C1GALT1: variants seen among roughly 807,000 people sequenced by gnomAD.
C1GALT1 encodes the protein core 1 synthase, glycoprotein-N-acetylgalactosamine 3-beta-galactosyltransferase 1.
Under a neutral mutation model 31.0 loss-of-function variants are expected in C1GALT1, and 11 were observed. That is an observed-to-expected ratio of 0.36 (90% CI 0.22 to 0.59). The LOEUF is 0.59. Ranked by LOEUF, C1GALT1 falls within the 20% of genes least tolerant of loss-of-function variation. The probability of loss-of-function intolerance (pLI) is 0.79; values close to 1 mark genes in which losing one functional copy is unlikely to be tolerated. For missense variants in C1GALT1, 424 were observed against 425.2 expected, an observed-to-expected ratio of 1.00 and a Z score of 0.03; for synonymous variants, 175 against 143.6, an observed-to-expected ratio of 1.22 and a Z score of -1.56.
chr7:7,170,490 A>G (rs62453511), intron 2 of C1GALT1, among the ~76,000 whole-genome samples: 20,967 of 152,246 alleles, frequency 0.14, 1,810 homozygotes, highest in Middle Eastern at 0.26. Flanking sequence ...ATTATTAAAC[A>G]TCTTATGTTA....
At chr7:7,180,623 A>G (rs1386649112), upstream of C1GALT1, among the ~76,000 whole-genome samples, 1 of 152,262 alleles carries the variant, frequency 6.6e-6, no homozygotes, top group Admixed American at 6.5e-5. Flanking sequence ...CACAAAATTT[A>G]AGAAATGGTT....
upstream of C1GALT1, chr7:7,178,211 C>T (rs780329427): frequency 1.8e-5 from 4 of 226,718 alleles, no homozygotes; most frequent in East Asian, 1.1e-4. Context: ...AGAATTGAAC[C>T]GCCCCCTTGG....
At chr7:7,158,086 T>C (rs1780293205) in intron 2 of C1GALT1, among the ~76,000 whole-genome samples, 1 of 152,222 alleles carries the variant, frequency 6.6e-6, no homozygotes, top group African/African-American at 2.4e-5. Context: ...TACCCTCACA[T>C]GACCACAGCT....
intron 1 of C1GALT1, among the ~76,000 whole-genome samples, chr7:7,188,465 A>T (rs1182173901): frequency 2.6e-5 from 4 of 152,214 alleles, no homozygotes; most frequent in African/African-American, 9.6e-5. Context: ...TGGAGAAATT[A>T]GTGGACTTTA....
upstream of C1GALT1, among the ~76,000 whole-genome samples, chr7:7,179,044 A>T (rs1477486173): frequency 1.3e-5 from 2 of 152,206 alleles, no homozygotes; most frequent in Non-Finnish European, 2.9e-5. Context: ...AAGCTCACTC[A>T]CATGGCTCTT....
At chr7:7,234,692 C>G in intron 2 of C1GALT1, 153 bp downstream of exon 2, 1 of 593,118 alleles carries the variant, frequency 1.7e-6, no homozygotes, top group Non-Finnish European at 2.9e-6. Flanking sequence ...ATTGCTAAAA[C>G]TCAGATTTAT....
chr7:7,231,146 A>G (rs1288784340), intron 1 of C1GALT1, among the ~76,000 whole-genome samples: 3 of 152,150 alleles, frequency 2.0e-5, no homozygotes. Context: ...CTAGGTTGGT[A>G]GTTCTGTTCT....
intron 1 of C1GALT1, among the ~76,000 whole-genome samples, chr7:7,188,499 T>G (rs565622879): frequency 1.7e-4 from 26 of 152,286 alleles, no homozygotes; most frequent in African/African-American, 6.3e-4. Context: ...TATTTCACTC[T>G]GTAGATAAAA....
chr7:7,235,953 G>A (rs1276583481), intron 2 of C1GALT1, among the ~76,000 whole-genome samples: 2 of 152,142 alleles, frequency 1.3e-5, no homozygotes, highest in Admixed American at 1.3e-4. Flanking sequence ...CTATACCCAT[G>A]TACCTGCACT....
At chr7:7,233,495 G>C (rs551227230) in intron 1 of C1GALT1, among the ~76,000 whole-genome samples, 10 of 152,228 alleles carry the variant, frequency 6.6e-5, no homozygotes, top group Admixed American at 3.9e-4. Context: ...CTGGTCTCAA[G>C]CTCCTGACTT....
chr7:7,222,943 A>C (rs1015808244), intron 1 of C1GALT1, among the ~76,000 whole-genome samples: 4 of 149,290 alleles, frequency 2.7e-5, no homozygotes, highest in Non-Finnish European at 5.9e-5. Context: ...TTTGTAGTTA[A>C]GCTTTTTTTA....
intron 1 of C1GALT1, among the ~76,000 whole-genome samples, chr7:7,201,269 A>G (rs144007465): frequency 0.024 from 3,700 of 152,142 alleles, 146 homozygotes; most frequent in African/African-American, 0.083. Flanking sequence ...CTGGAGGTCC[A>G]CTCCAGACCG....
chr7:7,205,782 T>G (rs1781713635), intron 1 of C1GALT1, among the ~76,000 whole-genome samples: 1 of 152,192 alleles, frequency 6.6e-6, no homozygotes, highest in African/African-American at 2.4e-5. Context: ...GCCTTCACTT[T>G]CACCCTGTTT....
intron 2 of C1GALT1, among the ~76,000 whole-genome samples, chr7:7,157,843 A>C (rs1780290212): frequency 6.6e-6 from 1 of 152,134 alleles, no homozygotes; most frequent in African/African-American, 2.4e-5. Flanking sequence ...AATCAATGAG[A>C]TCTCTTTTCC....
upstream of C1GALT1, among the ~76,000 whole-genome samples, chr7:7,182,365 G>C (rs756687645): frequency 1.5e-4 from 23 of 152,330 alleles, no homozygotes; most frequent in African/African-American, 5.3e-4. Context: ...CAAGCCGCAA[G>C]GGGGATACAA....
At chr7:7,162,573 C>T (rs946152610) in intron 2 of C1GALT1, among the ~76,000 whole-genome samples, 5 of 151,944 alleles carry the variant, frequency 3.3e-5, no homozygotes, top group African/African-American at 7.3e-5. Flanking sequence ...CCACAATAAA[C>T]ATACATGTGC....
At chr7:7,185,375 A>G (rs1298227422) in intron 1 of C1GALT1, among the ~76,000 whole-genome samples, 1 of 152,140 alleles carries the variant, frequency 6.6e-6, no homozygotes, top group Admixed American at 6.5e-5. Context: ...TGGTCATTGT[A>G]TTTTCTAGGG....
rs1783788899 is a variant in C1GALT1, at chr7:7,245,097, G to C, written c.*1370G>C. 6.6e-6 allele frequency: 1 copy of C among 152,228 alleles called. No homozygotes were observed. The highest frequency in any genetic ancestry group is 1.5e-5 in the Non-Finnish European group (1 of 68,036). 9.4% of individuals were successfully genotyped at this position (152,228 alleles called of 1,614,324 possible). On this transcript the variant is annotated 3_prime_UTR_variant, in exon 4 of 4. Transcript: ENST00000436587. ...ATCTTTAGCAGTACTGAGTGTCATA[G>C]CAGAATATTTTACAGACTTTCTATG...
rs949209615 is a variant in C1GALT1, at chr7:7,247,892, G to C, written c.*4165G>C. On this transcript the variant is annotated 3_prime_UTR_variant, in exon 4 of 4. Transcript: ENST00000436587. The stretch of plus-strand genomic sequence containing the variant: ...TATGAAATTGAAAGTAAAAGTCTAA[G>C]AATAATGCCTGCTGGCTCTCGAGAT... 6.6e-6 allele frequency: 1 copy of C among 151,956 alleles called. No individual in the cohort carries two copies. Among genetic ancestry groups the C allele is most frequent in the African/African-American group, 2.4e-5 (1 of 41,418 alleles). 9.4% of individuals were successfully genotyped at this position (151,956 alleles called of 1,614,324 possible).
Sources: allele counts gnomAD v4.1 joint callset (sites outside exome capture counted in the v4.1 genomes callset), GRCh38; gene constraint gnomAD v4.1.1; transcripts MANE v1.5; gene names NCBI Gene and HGNC (gene_info 2026-07-23, HGNC 2026-07-21).